The following TRIM2 variants were observed in gnomAD, a reference collection of about 807,000 sequenced individuals.
The protein encoded by TRIM2 is tripartite motif containing 2.
TRIM2 carries 20 observed loss-of-function variants against 75.2 expected under a neutral mutation model. The observed-to-expected ratio is 0.27, with a 90% confidence interval of 0.19 to 0.39. TRIM2 has a LOEUF of 0.39. Ranked by LOEUF, TRIM2 falls within the 10% of genes least tolerant of loss-of-function variation. TRIM2 has a pLI of 1.00. For missense variants in TRIM2, 660 were observed against 990.8 expected, an observed-to-expected ratio of 0.67 and a Z score of 4.48; for synonymous variants, 373 against 388.3, an observed-to-expected ratio of 0.96 and a Z score of 0.46.
intron 1 of TRIM2, among the ~76,000 whole-genome samples, chr4:153,235,343 G>GGCAT (rs1192447008): frequency 1.3e-5 from 2 of 151,618 alleles, no homozygotes; most frequent in Non-Finnish European, 2.9e-5. Flanking sequence ...GGAGTGCAGT[G>GGCAT]GCATGATCAC....
intron 6 of TRIM2, among the ~76,000 whole-genome samples, chr4:153,312,534 G>A (rs1697801117): frequency 6.6e-6 from 1 of 152,070 alleles, no homozygotes; most frequent in South Asian, 2.1e-4. Context: ...TTAGAATGGC[G>A]ATCATTAAAA....
At chr4:153,215,972 G>A (rs1738373854) in intron 1 of TRIM2, among the ~76,000 whole-genome samples, 1 of 151,790 alleles carries the variant, frequency 6.6e-6, no homozygotes, top group South Asian at 2.1e-4. Context: ...TTTTGTTGTT[G>A]GTTTATGCAA....
rs1757920730 is a variant in TRIM2 at position 153,275,920 on chromosome 4, C to T, written c.243C>T (p.His81=). The T allele has an allele frequency of 6.2e-7, 1 of 1,614,224 alleles. No individual in the cohort carries two copies. The highest frequency in any genetic ancestry group is 8.5e-7 in the Non-Finnish European group (1 of 1,180,036). Reference sequence around the variant, plus strand: ...GCCTGCAGAACTACATTCCTGCCCACAGTTTAACCCTCTCCTGCCCAGTGT... The same window carrying T: ...GCCTGCAGAACTACATTCCTGCCCATAGTTTAACCCTCTCCTGCCCAGTGT... ...ERCLQNYIPA[H]SLTLSCPVCR... The change falls in exon 3 of 12, where the codon CAC becomes CAT. Residue 81 remains histidine (H), a synonymous_variant. Transcript: ENST00000338700.
chr4:153,315,651 T>C (rs941381265), intron 7 of TRIM2, 63 bp downstream of exon 7: 35 of 1,463,352 alleles, frequency 2.4e-5, no homozygotes, highest in Non-Finnish European at 3.0e-5. Flanking sequence ...TAGTTACATA[T>C]ATTCCTACTT....
intron 3 of TRIM2, among the ~76,000 whole-genome samples, chr4:153,288,791 T>G (rs1761227978): frequency 6.6e-6 from 1 of 151,748 alleles, no homozygotes; most frequent in Admixed American, 6.6e-5. Context: ...TTTTTTTTCC[T>G]GCCTCACAGA....
chr4:153,279,168 G>A (rs1455840), intron 3 of TRIM2, among the ~76,000 whole-genome samples: 95,323 of 152,054 alleles, frequency 0.63, 31,237 homozygotes, highest in African/African-American at 0.82. Flanking sequence ...GAACTAGAAT[G>A]GCATCAATGG....
chr4:153,203,778 G>A (rs1164970320), upstream of TRIM2, among the ~76,000 whole-genome samples: 1 of 152,076 alleles, frequency 6.6e-6, no homozygotes, highest in East Asian at 1.9e-4. Flanking sequence ...TGTAATTCCA[G>A]CTACTCAGGA....
chr4:153,213,613 T>C (rs1579624667), intron 1 of TRIM2, among the ~76,000 whole-genome samples: 2 of 152,176 alleles, frequency 1.3e-5, no homozygotes, highest in African/African-American at 4.8e-5. Flanking sequence ...CTGCAACCTC[T>C]GCCTCCCGAG....
intron 1 of TRIM2, among the ~76,000 whole-genome samples, chr4:153,164,715 A>AT: frequency 6.6e-6 from 1 of 152,262 alleles, no homozygotes; most frequent in South Asian, 2.1e-4. Flanking sequence ...TTTTTGTATT[A>AT]TCTGTTGACT....
At chr4:153,292,664 A>G (rs556473059) in intron 3 of TRIM2, among the ~76,000 whole-genome samples, 1 of 152,370 alleles carries the variant, frequency 6.6e-6, no homozygotes, top group Non-Finnish European at 1.5e-5. Context: ...GGAGTCCTCA[A>G]TAATTTTTAA....
chr4:153,209,133 G>A (rs116441736), intron 1 of TRIM2, among the ~76,000 whole-genome samples: 11 of 152,230 alleles, frequency 7.2e-5, no homozygotes, highest in African/African-American at 2.2e-4. Context: ...CTGAAGGCAC[G>A]TAAGGAGCAG....
At chr4:153,331,643 A>G (rs1771502504) in intron 11 of TRIM2, among the ~76,000 whole-genome samples, 1 of 152,272 alleles carries the variant, frequency 6.6e-6, no homozygotes, top group Non-Finnish European at 1.5e-5. Flanking sequence ...TTTAAAATTT[A>G]TATGGCAAGG....
In TRIM2 at chr4:153,158,943, G is replaced by A. The variant is rs900406080; in HGVS notation, c.-49+5673G>A. Reference sequence around the variant, plus strand: ...AAGACAGGCTTTCTTCTTGGAGACCGGTGGTTGGGGTTTGTATTTCAAAGG... The same window carrying A: ...AAGACAGGCTTTCTTCTTGGAGACCAGTGGTTGGGGTTTGTATTTCAAAGG... On this transcript the variant is annotated intron_variant, in intron 1 of 11. Transcript: ENST00000437508. 7.2e-5 allele frequency among the ~76,000 whole-genome samples: 11 copies of A among 152,310 alleles called. No homozygotes were observed. In the East Asian group the frequency reaches 7.7e-4, roughly 11 times the overall value.
chr4:153,315,656 C>G (rs1767424018), intron 7 of TRIM2, 68 bp downstream of exon 7: 1 of 1,417,302 alleles, frequency 7.1e-7, no homozygotes, highest in African/African-American at 1.5e-5. Context: ...ACATATATTC[C>G]TACTTTAGAC....
intron 3 of TRIM2, among the ~76,000 whole-genome samples, chr4:153,289,531 T>C (rs1266129635): frequency 6.6e-6 from 1 of 152,204 alleles, no homozygotes; most frequent in Non-Finnish European, 1.5e-5. Context: ...TGATGAACTC[T>C]GGTCTTGAGG....
At chr4:153,301,852 A>C (rs1175898798) in intron 6 of TRIM2, among the ~76,000 whole-genome samples, 1 of 152,182 alleles carries the variant, frequency 6.6e-6, no homozygotes, top group Non-Finnish European at 1.5e-5. Context: ...TATGTTTTTA[A>C]GCCAGTACCA....
At chr4:153,207,089 G>A (rs1735680776) in intron 1 of TRIM2, among the ~76,000 whole-genome samples, 1 of 152,144 alleles carries the variant, frequency 6.6e-6, no homozygotes, top group Non-Finnish European at 1.5e-5. Context: ...GTGCCAGGAA[G>A]CAGAGACAAG....
intron 1 of TRIM2, 143 bp downstream of exon 1, chr4:153,204,703 G>T (rs1560810924): frequency 4.4e-6 from 5 of 1,146,206 alleles, no homozygotes; most frequent in Non-Finnish European, 6.3e-6. Flanking sequence ...AAAAGACTGG[G>T]ATTTGCTGAC....
At chr4:153,199,650 G>A (rs985941146), upstream of TRIM2, among the ~76,000 whole-genome samples, 2 of 152,158 alleles carry the variant, frequency 1.3e-5, no homozygotes, top group Non-Finnish European at 2.9e-5. Context: ...TAGAAAGGGT[G>A]CAAGCAGGTC....
Sources: allele counts gnomAD v4.1 joint callset (sites outside exome capture counted in the v4.1 genomes callset), GRCh38; gene constraint gnomAD v4.1.1; transcripts MANE v1.5; gene names NCBI Gene and HGNC (gene_info 2026-07-23, HGNC 2026-07-21).